MEI4: variants seen among roughly 807,000 people sequenced by gnomAD.
The protein encoded by MEI4 is meiosis-specific protein MEI4.
MEI4 carries 27 observed loss-of-function variants against 31.4 expected under a neutral mutation model. That is an observed-to-expected ratio of 0.86 (90% CI 0.63 to 1.19). MEI4 has a LOEUF of 1.19. Ranked by LOEUF, MEI4 falls within the 50% of genes most tolerant of loss-of-function variation. MEI4 has a pLI of 0.00. For synonymous variants in MEI4, 122 were observed against 145.4 expected, an observed-to-expected ratio of 0.84 and a Z score of 1.16; for missense variants, 329 against 398.9, an observed-to-expected ratio of 0.82 and a Z score of 1.49.
At chr6:77,720,647 CT>C (rs1766689836) in intron 2 of MEI4, among the ~76,000 whole-genome samples, 1 of 123,338 alleles carries the variant, frequency 8.1e-6, no homozygotes, top group Admixed American at 8.2e-5. Context: ...TGTACAATAT[CT>C]TTTGCCTGTT....
At chr6:77,687,796 G>A (rs1194892869) in intron 1 of MEI4, among the ~76,000 whole-genome samples, 1 of 152,046 alleles carries the variant, frequency 6.6e-6, no homozygotes, top group Non-Finnish European at 1.5e-5. Flanking sequence ...TCCTTTCTAG[G>A]TGTGCCACCT....
intron 3 of MEI4, among the ~76,000 whole-genome samples, chr6:77,824,440 C>T (rs1242389314): frequency 6.6e-6 from 1 of 151,994 alleles, no homozygotes; most frequent in African/African-American, 2.4e-5. Flanking sequence ...GTATGGGTCC[C>T]TAGTATTTAG....
intron 2 of MEI4, among the ~76,000 whole-genome samples, chr6:77,745,225 A>G (rs1184271131): frequency 6.6e-6 from 1 of 152,182 alleles, no homozygotes; most frequent in Non-Finnish European, 1.5e-5. Context: ...CAGTAAACCC[A>G]TCTCACGTGC....
chr6:77,918,837 G>A (rs1466413633), intron 4 of MEI4, among the ~76,000 whole-genome samples: 1 of 151,984 alleles, frequency 6.6e-6, no homozygotes, highest in East Asian at 1.9e-4. Context: ...GGGCATCCCT[G>A]TCTTGTGCCA....
intron 2 of MEI4, among the ~76,000 whole-genome samples, chr6:77,749,668 G>C (rs891438100): frequency 6.6e-6 from 1 of 152,154 alleles, no homozygotes; most frequent in East Asian, 1.9e-4. Flanking sequence ...GAGACTGGGA[G>C]AATGGAACCA....
intron 1 of MEI4, among the ~76,000 whole-genome samples, chr6:77,675,532 CTTT>C (rs71758588): frequency 1.4e-5 from 2 of 140,116 alleles, no homozygotes; most frequent in African/African-American, 2.6e-5. Flanking sequence ...GGAAATATTG[CTTT>C]TTTTTTTTTT....
Position 77,925,769 on chromosome 6 carries a change from G to C in MEI4, c.*2423G>C, listed in dbSNP as rs1281145758. 1 of 146,958 alleles carries C rather than the reference G, an allele frequency of 6.8e-6. No individual in the cohort carries two copies. The highest frequency in any genetic ancestry group is 2.5e-5 in the African/African-American group (1 of 40,010). 9.1% of individuals were successfully genotyped at this position (146,958 alleles called of 1,614,324 possible). ...TTAATATAAGCTATAATAAATATAT[G>C]ATAATATATTTTATATGAGAGTAAA... On this transcript the variant is annotated 3_prime_UTR_variant, in exon 5 of 5. Coordinates refer to ENST00000684080, the MANE Select transcript of MEI4 (RefSeq NM_001322247.2).
intron 4 of MEI4, among the ~76,000 whole-genome samples, chr6:77,880,764 CA>C (rs1168925517): frequency 6.6e-6 from 1 of 151,930 alleles, no homozygotes; most frequent in Non-Finnish European, 1.5e-5. Context: ...CTCTTTGAAA[CA>C]GAAAAATTCT....
chr6:77,916,254 T>A (rs1766544287), intron 4 of MEI4, among the ~76,000 whole-genome samples: 1 of 152,132 alleles, frequency 6.6e-6, no homozygotes, highest in Non-Finnish European at 1.5e-5. Context: ...CAGGATTTCA[T>A]AAATTTATTT....
chr6:77,894,039 GA>G (rs1029857636), intron 4 of MEI4, among the ~76,000 whole-genome samples: 10 of 151,950 alleles, frequency 6.6e-5, no homozygotes, highest in African/African-American at 2.4e-4. Flanking sequence ...TTATTAAGTG[GA>G]AAAAAATTTC....
intron 4 of MEI4, among the ~76,000 whole-genome samples, chr6:77,875,508 T>G (rs1771312898): frequency 6.6e-6 from 1 of 152,202 alleles, no homozygotes; most frequent in South Asian, 2.1e-4. Context: ...AAAGCATGTT[T>G]TAAATCTCTG....
chr6:77,820,077 C>T lies in MEI4; in HGVS notation c.769-8854C>T, dbSNP rs1237543245. Among the ~76,000 whole-genome samples the T allele has an allele frequency of 2.0e-5, 3 of 151,982 alleles. No individual in the cohort carries two copies. In the East Asian group the frequency reaches 5.8e-4, roughly 29 times the overall value. ...TTTTTCTGAATGGTTTTCCTTCTATCACTGTGTACTTGGCAGTGTCAGTAT... is the reference window on the plus strand; with the variant it reads ...TTTTTCTGAATGGTTTTCCTTCTATTACTGTGTACTTGGCAGTGTCAGTAT... On this transcript the variant is annotated intron_variant, in intron 3 of 4. Transcript: ENST00000684080. This position sits in a 1 kb window ranked among gnomAD's most constrained non-coding sequence, Gnocchi z 4.5.
chr6:77,784,113 A>G (rs191085727), intron 3 of MEI4, among the ~76,000 whole-genome samples: 2 of 152,184 alleles, frequency 1.3e-5, no homozygotes, highest in African/African-American at 4.8e-5. Context: ...TCCCAGCCAG[A>G]CCCACTGAAT....
intron 1 of MEI4, among the ~76,000 whole-genome samples, chr6:77,670,608 A>G (rs1467988781): frequency 6.6e-6 from 1 of 152,046 alleles, no homozygotes; most frequent in Non-Finnish European, 1.5e-5. Flanking sequence ...CCCCTGACTC[A>G]GGCCTTTCAA....
At chr6:77,778,387 G>A (rs1768510041) in intron 3 of MEI4, among the ~76,000 whole-genome samples, 1 of 151,994 alleles carries the variant, frequency 6.6e-6, no homozygotes, top group Admixed American at 6.6e-5. Context: ...TATGGCATAT[G>A]TCTGAACAAC....
intron 4 of MEI4, among the ~76,000 whole-genome samples, chr6:77,850,890 G>A (rs1169572338): frequency 1.3e-5 from 2 of 151,920 alleles, no homozygotes; most frequent in East Asian, 3.9e-4. Context: ...CTACTCATCC[G>A]ACAAAGGGCT....
At chr6:77,666,753 G>A (rs927735869) in intron 1 of MEI4, among the ~76,000 whole-genome samples, 8 of 150,644 alleles carry the variant, frequency 5.3e-5, no homozygotes, top group African/African-American at 2.0e-4. Context: ...AGAATTGATT[G>A]ATATGCAGTA....
intron 2 of MEI4, among the ~76,000 whole-genome samples, chr6:77,742,748 T>C (rs1767449820): frequency 6.6e-6 from 1 of 152,038 alleles, no homozygotes; most frequent in Non-Finnish European, 1.5e-5. Context: ...GTTTTTATGG[T>C]TTTAGGTCTA....
In MEI4 at chr6:77,735,489, TC is replaced by T. The variant is rs544733796; in HGVS notation, c.233-25639del. 3.4e-4 allele frequency among the ~76,000 whole-genome samples: 51 copies of T among 152,196 alleles called. 1 individual carries two copies. The highest frequency in any genetic ancestry group is 1.2e-3 in the African/African-American group (50 of 41,464). On this transcript the variant is annotated intron_variant, in intron 2 of 4. Transcript: ENST00000684080. ...AGCCTTGGTTTTCAGCTTCATCAGG[TC>T]CTTTAAGCACTTCTCTGTATTGGTT...
Sources: gnomAD v4.1 joint callset for allele counts (sites outside exome capture counted in the v4.1 genomes callset) on GRCh38, gnomAD v4.1.1 for gene constraint, Gnocchi (gnomAD v3.1) non-coding constraint, MANE v1.5 for transcripts, NCBI Gene and HGNC (gene_info 2026-07-23, HGNC 2026-07-21) for gene names.